EXOC4: variants seen among roughly 807,000 people sequenced by gnomAD.
The protein encoded by EXOC4 is SEC8-like 1.
A neutral mutation model predicts 107.2 loss-of-function variants in EXOC4; 71 were observed. That is an observed-to-expected ratio of 0.66 (90% CI 0.55 to 0.81). The LOEUF (loss-of-function observed/expected upper bound fraction) is 0.81. EXOC4 is among the 30% of genes least tolerant of loss of function. The pLI is 0.00. For missense variants in EXOC4, 1,108 were observed against 1,189.6 expected, an observed-to-expected ratio of 0.93 and a Z score of 1.01; for synonymous variants, 456 against 441.2, an observed-to-expected ratio of 1.03 and a Z score of -0.42.
chr7:134,003,044 C>T (rs1007657970), intron 15 of EXOC4, among the ~76,000 whole-genome samples: 1 of 152,276 alleles, frequency 6.6e-6, no homozygotes, highest in East Asian at 1.9e-4. Flanking sequence ...GCTTTATCCA[C>T]AACCACCTAA....
intron 8 of EXOC4, among the ~76,000 whole-genome samples, chr7:133,478,168 C>T (rs1584948106): frequency 6.7e-6 from 1 of 148,978 alleles, no homozygotes; most frequent in African/African-American, 2.5e-5. Flanking sequence ...TCAATTTAAC[C>T]TTCTAAATAT....
the EXOC4 span, among the ~76,000 whole-genome samples, chr7:134,100,740 T>G: frequency 1.5e-5 from 2 of 129,650 alleles, no homozygotes; most frequent in African/African-American, 5.3e-5. Flanking sequence ...GGTCAAGAGA[T>G]AGAGAGTATC....
intron 10 of EXOC4, among the ~76,000 whole-genome samples, chr7:133,691,771 T>C (rs956587387): frequency 2.0e-5 from 3 of 152,208 alleles, no homozygotes; most frequent in Non-Finnish European, 4.4e-5. Context: ...AGTTGCTTCC[T>C]GGGGAGATGT....
chr7:134,002,347 T>C (rs547547326), intron 15 of EXOC4, among the ~76,000 whole-genome samples: 10 of 152,264 alleles, frequency 6.6e-5, no homozygotes, highest in African/African-American at 1.4e-4. Context: ...TTCAACTAAA[T>C]GTAAAATCTA....
rs540393121 is a variant in EXOC4 at position 133,567,402 on chromosome 7, C to T, written c.1418-62643C>T. Among the ~76,000 whole-genome samples the T allele has an allele frequency of 5.3e-5, 8 of 151,676 alleles. No individual in the cohort carries two copies. The South Asian group carries it at 6.2e-4, about 12-fold the overall frequency. ...GCAAGAGTATTACGTTGTATTGTTA[C>T]ACCATAATTTATATAACCAGTCCTG... On this transcript the variant is annotated intron_variant, in intron 9 of 17. Transcript: ENST00000253861.
intron 9 of EXOC4, among the ~76,000 whole-genome samples, chr7:133,496,091 T>C (rs1434932793): frequency 1.3e-5 from 2 of 152,160 alleles, no homozygotes; most frequent in African/African-American, 4.8e-5. Context: ...CTGGATATGA[T>C]TATTTGCTAT....
chr7:134,046,629 G>A (rs911007144), intron 17 of EXOC4, among the ~76,000 whole-genome samples: 6 of 151,370 alleles, frequency 4.0e-5, no homozygotes, highest in South Asian at 2.1e-4. Context: ...CCCTGAGCCC[G>A]GGAGACCTTT....
chr7:134,015,144 G>T (rs1394552811), intron 17 of EXOC4, among the ~76,000 whole-genome samples: 2 of 152,132 alleles, frequency 1.3e-5, no homozygotes, highest in Non-Finnish European at 2.9e-5. Context: ...CTGGCTTTGG[G>T]TAAGCCACAA....
intron 7 of EXOC4, among the ~76,000 whole-genome samples, chr7:133,442,001 A>G (rs941714946): frequency 6.6e-6 from 1 of 152,238 alleles, no homozygotes; most frequent in Admixed American, 6.5e-5. Context: ...AAGACTGTGA[A>G]ATGAAATTCT....
chr7:133,693,569 A>G (rs1434233675), intron 10 of EXOC4, among the ~76,000 whole-genome samples: 1 of 152,218 alleles, frequency 6.6e-6, no homozygotes, highest in Non-Finnish European at 1.5e-5. Flanking sequence ...ACTCCTAATT[A>G]CACAGTTAGA....
intron 12 of EXOC4, among the ~76,000 whole-genome samples, chr7:133,900,274 A>G (rs962109176): frequency 6.6e-6 from 1 of 152,248 alleles, no homozygotes; most frequent in Admixed American, 6.5e-5. Flanking sequence ...TATCCACAGC[A>G]TTAATTCATG....
chr7:133,319,838 CT>C (rs35274622), intron 5 of EXOC4, among the ~76,000 whole-genome samples: 21,013 of 94,460 alleles, frequency 0.22, 1,177 homozygotes, highest in South Asian at 0.34. Flanking sequence ...TGATCGTGTG[CT>C]TTTTTTTTTT....
chr7:133,654,098 C>G (rs1803228825), intron 10 of EXOC4, among the ~76,000 whole-genome samples: 1 of 152,136 alleles, frequency 6.6e-6, no homozygotes, highest in Non-Finnish European at 1.5e-5. Flanking sequence ...GAGCAGTGCA[C>G]TGGGTGGTCT....
At chr7:133,984,366 T>A (rs1448284038) in intron 14 of EXOC4, among the ~76,000 whole-genome samples, 1 of 152,244 alleles carries the variant, frequency 6.6e-6, no homozygotes, top group Non-Finnish European at 1.5e-5. Context: ...GTTCTTTCTA[T>A]ATAGTTTGAT....
chr7:133,848,305 A>G (rs1198370673), intron 11 of EXOC4, among the ~76,000 whole-genome samples: 2 of 152,164 alleles, frequency 1.3e-5, no homozygotes, highest in East Asian at 1.9e-4. Context: ...ATATTTTTAT[A>G]TCAACTCCGG....
At chr7:133,966,449 A>G (rs559255867) in intron 14 of EXOC4, among the ~76,000 whole-genome samples, 128 of 152,326 alleles carry the variant, frequency 8.4e-4, no homozygotes, top group African/African-American at 3.0e-3. Flanking sequence ...TCAATATGAT[A>G]CTGGCTGTGA....
At chr7:133,524,714 T>A (rs1584977232) in intron 9 of EXOC4, among the ~76,000 whole-genome samples, 1 of 152,154 alleles carries the variant, frequency 6.6e-6, no homozygotes, top group Non-Finnish European at 1.5e-5. Flanking sequence ...CCTCATTGCT[T>A]GTTTTTCTCA....
chr7:133,898,056 C>G lies in EXOC4; in HGVS notation c.1871+2321C>G, dbSNP rs961075750. Reference sequence around the variant, plus strand: ...CCTCCAGCAACCGCTGTTCTACCCTCTACTTCTATAAGTTCAACTCTTTTA... The same window carrying G: ...CCTCCAGCAACCGCTGTTCTACCCTGTACTTCTATAAGTTCAACTCTTTTA... On this transcript the variant is annotated intron_variant, in intron 12 of 17. Coordinates refer to ENST00000253861, the MANE Select transcript of EXOC4 (RefSeq NM_021807.4). Among the ~76,000 whole-genome samples the G allele has an allele frequency of 5.4e-4, 80 of 147,968 alleles. 2 individuals are homozygous for G. The highest frequency in any genetic ancestry group is 3.4e-3 in the Middle Eastern group (1 of 290).
chr7:133,258,991 A>G (rs565364661), intron 1 of EXOC4, among the ~76,000 whole-genome samples: 1 of 152,274 alleles, frequency 6.6e-6, no homozygotes, highest in South Asian at 2.1e-4. Flanking sequence ...GTTGTCCTTT[A>G]TAAAAAGGAC....
Sources: gnomAD v4.1 joint callset for allele counts (sites outside exome capture counted in the v4.1 genomes callset) on GRCh38, gnomAD v4.1.1 for gene constraint, MANE v1.5 for transcripts, NCBI Gene and HGNC (gene_info 2026-07-23, HGNC 2026-07-21) for gene names.